The following NELL1 variants were observed in gnomAD, a reference collection of about 807,000 sequenced individuals.
NELL1 encodes the protein protein kinase C-binding protein NELL1.
Under a neutral mutation model 107.4 loss-of-function variants are expected in NELL1, and 76 were observed. That is an observed-to-expected ratio of 0.71 (90% confidence interval 0.59 to 0.86). The LOEUF (loss-of-function observed/expected upper bound fraction) is 0.86, where lower values mean the gene tolerates loss of function less well. Among genes scored for constraint, NELL1 ranks in the 40% least tolerant of loss-of-function variants. The probability of loss-of-function intolerance (pLI) is 0.00; values close to 1 mark genes in which losing one functional copy is unlikely to be tolerated. For synonymous variants in NELL1, 353 were observed against 341.2 expected (o/e 1.03, Z -0.38); for missense variants, 1,024 against 1,005.5 (o/e 1.02, Z -0.25).
chr11:20,733,262 A>G (rs1370821936), intron 2 of NELL1, among the ~76,000 whole-genome samples: 1 of 152,190 alleles, frequency 6.6e-6, no homozygotes, highest in Non-Finnish European at 1.5e-5. Flanking sequence ...TTCAGCTACA[A>G]TTTAGCGGTC....
intron 16 of NELL1, among the ~76,000 whole-genome samples, chr11:21,546,851 T>C (rs1207841565): frequency 1.3e-5 from 2 of 152,050 alleles, no homozygotes; most frequent in African/African-American, 4.8e-5. Context: ...CTGTGAAATA[T>C]TTACCTGTGG....
At chr11:20,860,777 T>C (rs1848964263) in intron 4 of NELL1, among the ~76,000 whole-genome samples, 1 of 152,218 alleles carries the variant, frequency 6.6e-6, no homozygotes, top group Non-Finnish European at 1.5e-5. Flanking sequence ...CAAGTTGAAT[T>C]TACATGTGGC....
intron 15 of NELL1, among the ~76,000 whole-genome samples, chr11:21,423,946 A>G (rs1183705738): frequency 6.6e-6 from 1 of 152,230 alleles, no homozygotes; most frequent in Admixed American, 6.5e-5. Context: ...AAAGCATAAC[A>G]CACCCAAAGT....
intron 3 of NELL1, among the ~76,000 whole-genome samples, chr11:20,804,390 C>T (rs1857339709): frequency 1.3e-5 from 2 of 152,206 alleles, no homozygotes; most frequent in Admixed American, 6.5e-5. Context: ...CACGTGCCAC[C>T]ACATCTGGCT....
In NELL1 at chr11:20,847,622, T is replaced by A; in HGVS notation, c.375T>A (p.Ile125=). 1.2e-6 allele frequency: 2 copies of A among 1,613,768 alleles called. No homozygotes were observed. Among genetic ancestry groups the A allele is most frequent in the East Asian group, 2.2e-5 (1 of 44,868 alleles). The change falls in exon 4 of 20, where the codon ATT becomes ATA. Residue 125 remains isoleucine, a synonymous_variant. Coordinates refer to ENST00000357134, the MANE Select transcript of NELL1 (RefSeq NM_006157.5). ...AGAGCAGTGGCCTGAGGGATGAGAT[T>A]CGGTATCACTACATACACAATGGGA... ...ELESSGLRDE[I]RYHYIHNGKP...
At chr11:20,772,625 A>ATTCATTCG (rs1409212307) in intron 2 of NELL1, among the ~76,000 whole-genome samples, 1 of 151,960 alleles carries the variant, frequency 6.6e-6, no homozygotes, top group African/African-American at 2.4e-5. Context: ...TCATTCATTC[A>ATTCATTCG]TTCATTCATT....
chr11:21,225,641 A>G (rs1433716992), intron 13 of NELL1, among the ~76,000 whole-genome samples: 116 of 152,250 alleles, frequency 7.6e-4, no homozygotes, highest in Non-Finnish European at 7.4e-5. Flanking sequence ...GGACACCTCT[A>G]TTTAATCATC....
At chr11:21,092,934 T>A (rs1854554075) in intron 12 of NELL1, among the ~76,000 whole-genome samples, 1 of 152,046 alleles carries the variant, frequency 6.6e-6, no homozygotes, top group South Asian at 2.1e-4. Flanking sequence ...GAACAGACAA[T>A]TCTCTTCTAG....
chr11:21,272,089 C>T (rs938079477), intron 14 of NELL1, among the ~76,000 whole-genome samples: 2 of 152,144 alleles, frequency 1.3e-5, no homozygotes, highest in African/African-American at 4.8e-5. Flanking sequence ...GAGCATGAGC[C>T]GAAGCAGGGC....
chr11:21,269,769 C>G (rs1175607419), intron 14 of NELL1, among the ~76,000 whole-genome samples: 2 of 151,950 alleles, frequency 1.3e-5, no homozygotes, highest in Non-Finnish European at 2.9e-5. Context: ...AAAGAATTAG[C>G]AAAATTAAAA....
chr11:21,475,081 C>A (rs1184201115), intron 15 of NELL1, among the ~76,000 whole-genome samples: 1 of 152,034 alleles, frequency 6.6e-6, no homozygotes, highest in African/African-American at 2.4e-5. Context: ...AGCCTTATAT[C>A]CTGCATATGC....
At chr11:21,309,722 G>A (rs114741849) in intron 14 of NELL1, among the ~76,000 whole-genome samples, 4,230 of 152,026 alleles carry the variant, frequency 0.028, 220 homozygotes, top group African/African-American at 0.095. Flanking sequence ...AGTAAGTCAC[G>A]TCTTATATGG....
At chr11:20,873,090 T>C (rs890850616) in intron 4 of NELL1, among the ~76,000 whole-genome samples, 4 of 152,174 alleles carry the variant, frequency 2.6e-5, no homozygotes, top group African/African-American at 9.7e-5. Flanking sequence ...TCTAGGTGAA[T>C]AATAATATGG....
At chr11:21,019,360 C>T (rs2134299277) in intron 12 of NELL1, among the ~76,000 whole-genome samples, 1 of 152,148 alleles carries the variant, frequency 6.6e-6, no homozygotes, top group East Asian at 1.9e-4. Flanking sequence ...ATCCTGCTGA[C>T]ATCCAGTCGG....
At chr11:21,141,425 C>T (rs2133772138) in intron 13 of NELL1, among the ~76,000 whole-genome samples, 1 of 152,286 alleles carries the variant, frequency 6.6e-6, no homozygotes, top group Non-Finnish European at 1.5e-5. Context: ...TTTTATCCTT[C>T]TGTTTCACTG....
chr11:21,487,657 T>C (rs1157910345), intron 15 of NELL1, among the ~76,000 whole-genome samples: 1 of 151,778 alleles, frequency 6.6e-6, no homozygotes, highest in East Asian at 1.9e-4. Context: ...ATGAACAATA[T>C]GACAAAAACC....
At chr11:21,028,846 TA>T (rs370303464) in intron 12 of NELL1, among the ~76,000 whole-genome samples, 1 of 152,198 alleles carries the variant, frequency 6.6e-6, no homozygotes, top group East Asian at 1.9e-4. Context: ...TCTCTTAATT[TA>T]AAAAGCTCTC....
At chr11:21,547,073 T>G (rs1270162104) in intron 16 of NELL1, among the ~76,000 whole-genome samples, 1 of 151,628 alleles carries the variant, frequency 6.6e-6, no homozygotes, top group African/African-American at 2.4e-5. Flanking sequence ...TTTGGGGAGG[T>G]TGTATTGTGG....
intron 15 of NELL1, among the ~76,000 whole-genome samples, chr11:21,385,901 T>C (rs1350230007): frequency 6.6e-6 from 1 of 151,852 alleles, no homozygotes; most frequent in Non-Finnish European, 1.5e-5. Flanking sequence ...TCTTTGGATT[T>C]TCTTTCTCTA....
Sources: allele counts gnomAD v4.1 joint callset (sites outside exome capture counted in the v4.1 genomes callset), GRCh38; gene constraint gnomAD v4.1.1; transcripts MANE v1.5; gene names NCBI Gene and HGNC (gene_info 2026-07-23, HGNC 2026-07-21).